The following MDFIC variants were observed in gnomAD, a reference collection of about 807,000 sequenced individuals.
MDFIC encodes myoD family inhibitor domain-containing protein.
A neutral mutation model predicts 23.2 loss-of-function variants in MDFIC; 17 were observed. The ratio of observed to expected loss-of-function variants is 0.73; its 90% CI spans 0.50 to 1.10. MDFIC has a LOEUF of 1.10. Ranked by LOEUF, MDFIC falls within the 50% of genes least tolerant of loss-of-function variation. The probability of loss-of-function intolerance (pLI) is 0.00; values close to 1 mark genes in which losing one functional copy is unlikely to be tolerated. For synonymous variants in MDFIC, 120 were observed against 115.2 expected, an observed-to-expected ratio of 1.04 and a Z score of -0.27; for missense variants, 356 against 316.6, an observed-to-expected ratio of 1.12 and a Z score of -0.95.
intron 2 of MDFIC, among the ~76,000 whole-genome samples, chr7:114,940,776 T>C (rs1186059893): frequency 1.3e-5 from 2 of 152,188 alleles, no homozygotes; most frequent in African/African-American, 4.8e-5. Context: ...TATGCAAAAA[T>C]ATATATTATT....
chr7:115,015,914 T>C lies in MDFIC; in HGVS notation c.720T>C (p.Cys240=). 6.2e-7 allele frequency: 1 copy of C among 1,612,968 alleles called. No individual in the cohort carries two copies. Among genetic ancestry groups the C allele is most frequent in the African/African-American group, 1.3e-5 (1 of 75,038 alleles). The change falls in exon 5 of 5, where the codon TGT becomes TGC. Residue 240 remains cysteine, a synonymous_variant. Coordinates refer to ENST00000393486, the MANE Select transcript of MDFIC (RefSeq NM_001166345.3). ...GCTTGGAAATCTGTATGGAATGCTGTGGAATTTGTTTTCCTTCATAAATAT... is the reference window on the plus strand; with the variant it reads ...GCTTGGAAATCTGTATGGAATGCTGCGGAATTTGTTTTCCTTCATAAATAT... ...SDCLEICMEC[C]GICFPS
intron 3 of MDFIC, among the ~76,000 whole-genome samples, chr7:114,974,501 A>AT (rs1249922398): frequency 3.9e-5 from 6 of 151,974 alleles, no homozygotes; most frequent in Admixed American, 2.0e-4. Flanking sequence ...TTTAATTTTG[A>AT]TTTTTTTATG....
intron 3 of MDFIC, among the ~76,000 whole-genome samples, chr7:114,966,017 G>T (rs181003741): frequency 2.0e-5 from 3 of 152,246 alleles, no homozygotes; most frequent in Non-Finnish European, 4.4e-5. Context: ...GCTGCTTCTA[G>T]AGAGAATGTT....
At chr7:114,948,118 T>G (rs1202956295) in intron 3 of MDFIC, among the ~76,000 whole-genome samples, 7 of 152,172 alleles carry the variant, frequency 4.6e-5, no homozygotes, top group Non-Finnish European at 4.4e-5. Context: ...TGTATTGAAT[T>G]AATAAGGGGG....
intron 4 of MDFIC, among the ~76,000 whole-genome samples, chr7:114,984,958 T>C (rs1034334731): frequency 3.9e-5 from 6 of 152,232 alleles, no homozygotes; most frequent in African/African-American, 1.2e-4. Flanking sequence ...TAGTATATCA[T>C]TGAACATAAA....
rs1792558389 is a variant in MDFIC, at chr7:114,942,311, C to T, written c.131C>T (p.Thr44Ile). 4 of 1,580,686 alleles carry T rather than the reference C, an allele frequency of 2.5e-6. No homozygotes were observed. Among genetic ancestry groups the T allele is most frequent in the Admixed American group, 3.4e-5 (2 of 59,262 alleles). The change falls in exon 3 of 5, where the codon ACT becomes ATT. Residue 44 changes from threonine to isoleucine, a missense_variant. Coordinates refer to ENST00000393486, the MANE Select transcript of MDFIC (RefSeq NM_001166345.3). ...AAAGACAATACTGAGAAAGATATAA[C>T]TCAAGCTACCAATAGCCACTTCACA... ...CDKDNTEKDITQATNSHFTHG... is the reference protein window; with the variant it reads ...CDKDNTEKDIIQATNSHFTHG...
At chr7:114,966,302 C>T (rs971086584) in intron 3 of MDFIC, among the ~76,000 whole-genome samples, 1 of 151,276 alleles carries the variant, frequency 6.6e-6, no homozygotes, top group African/African-American at 2.4e-5. Context: ...GTGAGTGCCA[C>T]TGGGCTTGGC....
At chr7:114,949,102 TTAA>T (rs2115799500) in intron 3 of MDFIC, among the ~76,000 whole-genome samples, 1 of 152,342 alleles carries the variant, frequency 6.6e-6, no homozygotes, top group East Asian at 1.9e-4. Flanking sequence ...ATTATTATCA[TTAA>T]TATCATTATT....
At chr7:115,013,170 T>A (rs917680756) in intron 4 of MDFIC, among the ~76,000 whole-genome samples, 2 of 152,160 alleles carry the variant, frequency 1.3e-5, no homozygotes, top group East Asian at 3.9e-4. Context: ...TTCTGATATA[T>A]TTTTTAGGGG....
At chr7:114,998,444 G>A (rs1791389850) in intron 4 of MDFIC, among the ~76,000 whole-genome samples, 1 of 152,108 alleles carries the variant, frequency 6.6e-6, no homozygotes, top group African/African-American at 2.4e-5. Context: ...GTGGAAGAGT[G>A]AGTATATTTA....
chr7:114,939,008 T>G (rs1398062998), intron 2 of MDFIC, among the ~76,000 whole-genome samples: 1 of 152,194 alleles, frequency 6.6e-6, no homozygotes, highest in African/African-American at 2.4e-5. Flanking sequence ...TGGTTTCATG[T>G]TTGGATATCA....
chr7:115,010,995 G>C (rs997432664), intron 4 of MDFIC, among the ~76,000 whole-genome samples: 1 of 152,136 alleles, frequency 6.6e-6, no homozygotes, highest in African/African-American at 2.4e-5. Context: ...CACAAACCAA[G>C]GCTAAAAACA....
At chr7:114,940,198 T>C (rs7785721) in intron 2 of MDFIC, among the ~76,000 whole-genome samples, 3,188 of 152,354 alleles carry the variant, frequency 0.021, 81 homozygotes, top group African/African-American at 0.063. Context: ...TATTTGAATA[T>C]GGTTTTGTTT....
intron 2 of MDFIC, among the ~76,000 whole-genome samples, chr7:114,930,483 C>A (rs145074762): frequency 5.1e-4 from 78 of 152,254 alleles, no homozygotes; most frequent in Non-Finnish European, 9.8e-4. Context: ...TTGGTCAGTT[C>A]ACATATGAGG....
In MDFIC at chr7:114,942,135, G is replaced by A. The variant is rs537688645; in HGVS notation, c.95-140G>A. On this transcript the variant is annotated intron_variant, in intron 2 of 4. Coordinates refer to ENST00000393486, the MANE Select transcript of MDFIC (RefSeq NM_001166345.3). ...TACCTGTTACTGAGCCAATAAAATA[G>A]GCAGCAGGCAATAGAGGTATACCTG... 286 of 420,996 alleles carry A rather than the reference G, an allele frequency of 6.8e-4. 1 individual carries two copies. The highest frequency in any genetic ancestry group is 5.5e-3 in the African/African-American group (262 of 47,970). The allele number at this position is 420,996 out of a possible 1,614,324, so 26.1% of individuals were successfully genotyped here.
intron 2 of MDFIC, among the ~76,000 whole-genome samples, chr7:114,926,348 G>A (rs187517421): frequency 1.2e-3 from 182 of 152,278 alleles, no homozygotes; most frequent in African/African-American, 4.2e-3. Context: ...CAAGAAATCA[G>A]GGTAGAAGCA....
At chr7:114,989,734 A>G (rs1010234112) in intron 4 of MDFIC, among the ~76,000 whole-genome samples, 1 of 152,208 alleles carries the variant, frequency 6.6e-6, no homozygotes. Flanking sequence ...AAGACTTCTC[A>G]GTAACCTCTA....
At chr7:114,961,503 C>T (rs1792991347) in intron 3 of MDFIC, among the ~76,000 whole-genome samples, 1 of 152,062 alleles carries the variant, frequency 6.6e-6, no homozygotes, top group Non-Finnish European at 1.5e-5. Flanking sequence ...ATACTTTACT[C>T]ATATACTCCT....
At chr7:114,929,817 G>A (rs982115301) in intron 2 of MDFIC, among the ~76,000 whole-genome samples, 1 of 152,090 alleles carries the variant, frequency 6.6e-6, no homozygotes, top group African/African-American at 2.4e-5. Flanking sequence ...GAAAGGAGAT[G>A]GAGGAGGGAG....
Sources: allele counts gnomAD v4.1 joint callset (sites outside exome capture counted in the v4.1 genomes callset), GRCh38; gene constraint gnomAD v4.1.1; transcripts MANE v1.5; gene names NCBI Gene and HGNC (gene_info 2026-07-23, HGNC 2026-07-21).